The following GOPC variants were observed in gnomAD, a reference collection of about 807,000 sequenced individuals.
GOPC encodes the protein Golgi-associated PDZ and coiled-coil motif-containing protein.
GOPC carries 32 observed loss-of-function variants against 51.2 expected under a neutral mutation model. The observed-to-expected ratio is 0.63, with a 90% CI of 0.47 to 0.84. The LOEUF is 0.84. GOPC is among the 40% of genes least tolerant of loss of function. The probability of loss-of-function intolerance (pLI) is 0.00; values close to 1 mark genes in which losing one functional copy is unlikely to be tolerated. For synonymous variants in GOPC, 190 were observed against 205.1 expected (o/e 0.93, Z 0.63); for missense variants, 441 against 555.5 (o/e 0.79, Z 2.07).
rs535608810 is a variant in GOPC, at chr6:117,575,636, T to C, written c.475-284A>G. ...CACATATTAGTAAAAGTGGCTTCAATGGATAGTTGAATCTGCTATTTACTT... is the reference window on the plus strand; with the variant it reads ...CACATATTAGTAAAAGTGGCTTCAACGGATAGTTGAATCTGCTATTTACTT... On this transcript the variant is annotated intron_variant, in intron 3 of 8. Transcript: ENST00000368498. The C allele has an allele frequency of 1.6e-5, 9 of 548,054 alleles. No homozygotes were observed. In the East Asian group the frequency reaches 3.0e-4, roughly 18 times the overall value. The allele number at this position is 548,054 out of a possible 1,614,324, so 33.9% of individuals were successfully genotyped here.
chr6:117,580,204 A>G (rs1057302630), intron 1 of GOPC, among the ~76,000 whole-genome samples: 2 of 152,118 alleles, frequency 1.3e-5, no homozygotes, highest in African/African-American at 4.8e-5. Context: ...TAATTGGGAT[A>G]TGTCTCTATA....
chr6:117,583,944 T>G (rs1779994869), intron 1 of GOPC, among the ~76,000 whole-genome samples: 1 of 152,228 alleles, frequency 6.6e-6, no homozygotes, highest in Non-Finnish European at 1.5e-5. Context: ...GAAAACAAAA[T>G]CTATATTGCA....
chr6:117,578,287 ATTACTGAGAAAGAT>A (rs1779911358), intron 2 of GOPC, among the ~76,000 whole-genome samples: 1 of 152,140 alleles, frequency 6.6e-6, no homozygotes, highest in Non-Finnish European at 1.5e-5. Context: ...GCTGGCAAAA[ATTACTGAGAAAGAT>A]TTAATAATAA....
At chr6:117,572,738 A>G (rs779088171) in intron 5 of GOPC, among the ~76,000 whole-genome samples, 4 of 152,334 alleles carry the variant, frequency 2.6e-5, no homozygotes, top group East Asian at 1.9e-4. Flanking sequence ...AAACAATGGC[A>G]TAAGTGCTTA....
rs374876976 is a variant in GOPC, at chr6:117,566,008, T to A, written c.1258+846A>T. 9.3e-4 allele frequency among the ~76,000 whole-genome samples: 142 copies of A among 152,272 alleles called. 3 individuals carry two copies. The South Asian group carries it at 0.029, about 31-fold the overall frequency. ...TACTCAAAGGTCAATATTTAAAAAT[T>A]AACTGTTACTGCCATTTCATCAAAG... On this transcript the variant is annotated intron_variant, in intron 8 of 8. Coordinates refer to ENST00000368498, the MANE Select transcript of GOPC (RefSeq NM_020399.4).
At chr6:117,593,064 T>C (rs1780142608) in intron 1 of GOPC, among the ~76,000 whole-genome samples, 2 of 152,134 alleles carry the variant, frequency 1.3e-5, no homozygotes, top group Non-Finnish European at 2.9e-5. Context: ...CACACAACAG[T>C]ACAGACCGGT....
intron 1 of GOPC, 68 bp downstream of exon 1, chr6:117,601,936 T>G (rs2114634504): frequency 6.5e-7 from 1 of 1,545,186 alleles, no homozygotes; most frequent in East Asian, 2.3e-5. Flanking sequence ...ACTGGAGCGT[T>G]AAATGGCATC....
chr6:117,575,146 A>T, intron 4 of GOPC, 31 bp downstream of exon 4: 1 of 1,509,834 alleles, frequency 6.6e-7, no homozygotes, highest in Non-Finnish European at 9.0e-7. Flanking sequence ...TTTGTCACTT[A>T]AGAGTACAAT....
chr6:117,580,926 A>G lies in GOPC; in HGVS notation c.286-1862T>C, dbSNP rs201323979. ...GTGTATCTAGTACAGTGGATGTGCA[A>G]TGGAAGATTAGGTCAAGAATAATGC... On this transcript the variant is annotated intron_variant, in intron 1 of 8. Coordinates refer to ENST00000368498, the MANE Select transcript of GOPC (RefSeq NM_020399.4). Among the ~76,000 whole-genome samples, 43 of 152,300 alleles carry G rather than the reference A, an allele frequency of 2.8e-4. No individual in the cohort carries two copies. In the East Asian group the frequency reaches 6.7e-3, roughly 24 times the overall value.
At chr6:117,592,952 T>C (rs895052237) in intron 1 of GOPC, among the ~76,000 whole-genome samples, 1 of 152,192 alleles carries the variant, frequency 6.6e-6, no homozygotes, top group Non-Finnish European at 1.5e-5. Context: ...AATAACACAC[T>C]TGTCTGTATA....
intron 1 of GOPC, among the ~76,000 whole-genome samples, chr6:117,601,376 T>C (rs1379691382): frequency 6.6e-6 from 1 of 152,174 alleles, no homozygotes; most frequent in Admixed American, 6.5e-5. Flanking sequence ...TGTACAAGCA[T>C]ATAAAAACTC....
chr6:117,602,446 G>T lies in GOPC; in HGVS notation c.-158C>A. On this transcript the variant is annotated 5_prime_UTR_variant, in exon 1 of 9. Transcript: ENST00000368498. ...ACGCCAGCAGCACAGTCACAGAACC[G>T]CAGGAGTAACGAGGCTGAAGCTGAG... is the stretch of plus-strand genomic sequence containing the variant. 1 of 683,048 alleles carries T rather than the reference G, an allele frequency of 1.5e-6. No homozygotes were observed. The highest frequency in any genetic ancestry group is 2.4e-6 in the Non-Finnish European group (1 of 414,074). The allele number at this position is 683,048 out of a possible 1,614,324, so 42.3% of individuals were successfully genotyped here.
rs1191534755 is a variant in GOPC at position 117,561,419 on chromosome 6, A to G, written c.*1835T>C. 2 of 224,004 alleles carry G rather than the reference A, an allele frequency of 8.9e-6. No individual in the cohort carries two copies. Among genetic ancestry groups the G allele is most frequent in the Non-Finnish European group, 1.8e-5 (2 of 112,242 alleles). The allele number at this position is 224,004 out of a possible 1,614,324, so 13.9% of individuals were successfully genotyped here. A position where few individuals can be genotyped will look rare whatever the true frequency, so the allele number is the denominator to read the frequency against. On this transcript the variant is annotated 3_prime_UTR_variant, in exon 9 of 9. Coordinates refer to ENST00000368498, the MANE Select transcript of GOPC (RefSeq NM_020399.4). ...ATCCCAGGCTGTGTTTTAAGAAGAT[A>G]AGAATAACATGGTTTCATGTCACAG... is the stretch of plus-strand genomic sequence containing the variant.
chr6:117,562,073 T>C lies in GOPC; in HGVS notation c.*1181A>G, dbSNP rs1779594983. ...ACCTCTTTAATGCAATGTTGTGACT[T>C]TGCCTAGCAGGTTACAATGACCTGC... is the stretch of plus-strand genomic sequence containing the variant. On this transcript the variant is annotated 3_prime_UTR_variant, in exon 9 of 9. Coordinates refer to ENST00000368498, the MANE Select transcript of GOPC (RefSeq NM_020399.4). 1 of 206,196 alleles carries C rather than the reference T, an allele frequency of 4.8e-6. No individual in the cohort carries two copies. The highest frequency in any genetic ancestry group is 5.9e-5 in the Admixed American group (1 of 16,904). 12.8% of individuals were successfully genotyped at this position (206,196 alleles called of 1,614,324 possible).
At chr6:117,592,223 C>T (rs149541746) in intron 1 of GOPC, among the ~76,000 whole-genome samples, 32 of 152,164 alleles carry the variant, frequency 2.1e-4, no homozygotes, top group African/African-American at 6.7e-4. Flanking sequence ...AAAAATTAGC[C>T]GGGCATGGTG....
At chr6:117,578,777 CTTATA>C in intron 2 of GOPC, 118 bp downstream of exon 2, 1 of 521,030 alleles carries the variant, frequency 1.9e-6, no homozygotes. Context: ...CTTTATATTT[CTTATA>C]TTTTCTAAAT....
chr6:117,573,317 A>G, intron 5 of GOPC, 150 bp downstream of exon 5: 2 of 878,740 alleles, frequency 2.3e-6, no homozygotes, highest in Non-Finnish European at 3.3e-6. Flanking sequence ...TGGGTGTTGA[A>G]ACTTCATCTA....
rs201443939 is a variant in GOPC at position 117,566,998 on chromosome 6, G to C, written c.1114C>G (p.Pro372Ala). 6.2e-7 allele frequency: 1 copy of C among 1,606,016 alleles called. No homozygotes were observed. The highest frequency in any genetic ancestry group is 8.5e-7 in the Non-Finnish European group (1 of 1,177,268). ...EIEFEVVYVA[P>A]EVDSDDENVE... ...TTTTCATCATCAGAATCCACTTCAG[G>C]AGCCACATAAACTACTTCAAATTCA... The change falls in exon 8 of 9, where the codon CCT becomes GCT. Residue 372 changes from proline to alanine, a missense_variant. Around this residue, in one of 3 missense-constraint regions of GOPC, gnomAD observed 166 missense variants for 267.0 expected, o/e 0.62. Coordinates refer to ENST00000368498, the MANE Select transcript of GOPC (RefSeq NM_020399.4).
At chr6:117,592,509 G>C (rs1014985305) in intron 1 of GOPC, among the ~76,000 whole-genome samples, 2 of 152,112 alleles carry the variant, frequency 1.3e-5, no homozygotes, top group African/African-American at 4.8e-5. Context: ...CCAGCTTTTG[G>C]TGCTGTTGGC....
Sources: allele counts gnomAD v4.1 joint callset (sites outside exome capture counted in the v4.1 genomes callset), GRCh38; gene constraint gnomAD v4.1.1; regional missense constraint gnomAD v4.1.1; transcripts MANE v1.5; gene names NCBI Gene and HGNC (gene_info 2026-07-23, HGNC 2026-07-21).